The following CEACAM21 variants were observed in gnomAD, a reference collection of about 807,000 sequenced individuals.
The protein encoded by CEACAM21 is cell adhesion molecule CEACAM21.
A neutral mutation model predicts 33.2 loss-of-function variants in CEACAM21; 38 were observed. That is an observed-to-expected ratio of 1.14 (90% CI 0.88 to 1.50). The LOEUF is 1.50. CEACAM21 is among the 40% of genes most tolerant of loss of function. CEACAM21 has a pLI of 0.00. For synonymous variants in CEACAM21, 156 were observed against 143.0 expected (o/e 1.09, Z -0.65); for missense variants, 385 against 364.6 (o/e 1.06, Z -0.46).
Position 41,579,559 on chromosome 19 carries a change from G to C in CEACAM21, c.631G>C (p.Glu211Gln), listed in dbSNP as rs1207350112. The C allele has an allele frequency of 1.2e-6, 2 of 1,604,334 alleles. No homozygotes were observed. Among genetic ancestry groups the C allele is most frequent in the Non-Finnish European group, 8.5e-7 (1 of 1,175,238 alleles). ...CCCCATCAGGCAGGAGGACGCTGGG[G>C]AGTATCAGTGTGAGGTCTCCAACCC... Reference protein sequence around the residue: ...IDPIRQEDAGEYQCEVSNPVS... With the variant: ...IDPIRQEDAGQYQCEVSNPVS... The change falls in exon 3 of 7, where the codon GAG becomes CAG. Residue 211 changes from glutamate to glutamine, a missense_variant. Coordinates refer to ENST00000401445, the MANE Select transcript of CEACAM21 (RefSeq NM_001098506.4).
intron 2 of CEACAM21, among the ~76,000 whole-genome samples, chr19:41,567,720 G>T (rs1412447709): frequency 6.6e-6 from 1 of 152,162 alleles, no homozygotes; most frequent in African/African-American, 2.4e-5. Flanking sequence ...GACTGTGCTA[G>T]CTCATATCAT....
At chr19:41,562,906 T>A (rs1399123784) in intron 1 of CEACAM21, among the ~76,000 whole-genome samples, 1 of 151,948 alleles carries the variant, frequency 6.6e-6, no homozygotes, top group Non-Finnish European at 1.5e-5. Flanking sequence ...TTTTTTGTAT[T>A]TTTAGTAGAG....
At position 41,577,258 on chromosome 19, in the gene CEACAM21, G is replaced by A. The variant is rs781824433; in HGVS notation, c.123G>A (p.Ala41=). The part of the protein sequence containing the change: ...PTTAWLFIAS[A]PFEVAEGENV... ...CTGCCTGGCTCTTTATTGCATCAGC[G>A]CCCTTTGAAGTTGCTGAAGGGGAGA... is the stretch of plus-strand genomic sequence containing the variant. The change falls in exon 2 of 7, where the codon GCG becomes GCA. Residue 41 remains alanine, a synonymous_variant. Coordinates refer to ENST00000401445, the MANE Select transcript of CEACAM21 (RefSeq NM_001098506.4). 1.4e-5 allele frequency: 23 copies of A among 1,613,926 alleles called. No individual in the cohort carries two copies. The highest frequency in any genetic ancestry group is 1.8e-5 in the Non-Finnish European group (21 of 1,179,922).
exon 2 of CEACAM21, chr19:41,564,937 GATTC>G (rs2042152059): frequency 6.6e-6 from 1 of 152,376 alleles, no homozygotes; most frequent in African/African-American, 2.4e-5. Flanking sequence ...GACACAGTCG[GATTC>G]CCAAGCTGCG....
chr19:41,557,112 A>G (rs2041581057), intron 1 of CEACAM21, among the ~76,000 whole-genome samples: 1 of 152,186 alleles, frequency 6.6e-6, no homozygotes, highest in African/African-American at 2.4e-5. Context: ...AAGCTTTACC[A>G]TTTAAGAAGT....
rs1555791791 is a variant in CEACAM21 at position 41,577,546 on chromosome 19, T to C, written c.411T>C (p.His137=). The C allele has an allele frequency of 6.2e-7, 1 of 1,613,794 alleles. No homozygotes were observed. The highest frequency in any genetic ancestry group is 8.5e-7 in the Non-Finnish European group (1 of 1,179,986). The part of the protein sequence containing the change: ...RNSQIEQASH[H]LRVYESVAQP... ...CTCAGATTGAACAGGCATCTCACCA[T>C]CTCCGTGTATACGGTGAGTGATTCC... Residue 137 remains histidine (H), a synonymous_variant, in exon 2 of 7, where the codon CAT becomes CAC. Transcript: ENST00000401445.
intron 1 of CEACAM21, among the ~76,000 whole-genome samples, chr19:41,558,867 A>G (rs1384412548): frequency 6.6e-6 from 1 of 152,212 alleles, no homozygotes; most frequent in East Asian, 1.9e-4. Flanking sequence ...AAAAGACAAC[A>G]TACTGCTTTA....
upstream of CEACAM21, among the ~76,000 whole-genome samples, chr19:41,575,377 A>G (rs2042872986): frequency 6.6e-6 from 1 of 152,246 alleles, no homozygotes; most frequent in Non-Finnish European, 1.5e-5. Flanking sequence ...ATCTTTGGGA[A>G]ACAAACACTC....
upstream of CEACAM21, chr19:41,576,140 T>C (rs1482538876): frequency 2.0e-6 from 2 of 1,001,236 alleles, no homozygotes; most frequent in Non-Finnish European, 3.0e-6. Context: ...AAACGGGAAG[T>C]GCTCCTGCCT....
chr19:41,564,324 G>GTTAT (rs1302703426), intron 1 of CEACAM21, among the ~76,000 whole-genome samples: 1 of 138,858 alleles, frequency 7.2e-6, no homozygotes, highest in South Asian at 2.3e-4. Context: ...CAAGGAGTGA[G>GTTAT]TTATTTATTA....
At chr19:41,563,071 A>G (rs2042000224) in intron 1 of CEACAM21, among the ~76,000 whole-genome samples, 1 of 152,174 alleles carries the variant, frequency 6.6e-6, no homozygotes, top group African/African-American at 2.4e-5. Flanking sequence ...ATAACGAAAT[A>G]TATGGTTTTT....
At position 41,564,476 on chromosome 19, in the gene CEACAM21, G is replaced by A. The variant is rs558434506; in HGVS notation, c.-778-206G>A. Among the ~76,000 whole-genome samples, 366 of 152,144 alleles carry A rather than the reference G, an allele frequency of 2.4e-3. 1 individual carries two copies. The highest frequency in any genetic ancestry group is 8.5e-3 in the African/African-American group (354 of 41,490). On this transcript the variant is annotated intron_variant, in intron 1 of 7. Coordinates refer to the CEACAM21 transcript ENST00000407170. ...CTCAATCTCCCCACCTTACCGCCAG[G>A]GAACTTAGCCTGACGACACTCCGCC...
chr19:41,574,955 T>C (rs78552688), upstream of CEACAM21, among the ~76,000 whole-genome samples: 1 of 152,220 alleles, frequency 6.6e-6, no homozygotes, highest in East Asian at 1.9e-4. Context: ...CATTAAGAGA[T>C]GAATGAATTA....
intron 2 of CEACAM21, among the ~76,000 whole-genome samples, chr19:41,578,555 G>T (rs2043129115): frequency 6.6e-6 from 1 of 152,212 alleles, no homozygotes; most frequent in South Asian, 2.1e-4. Flanking sequence ...CCACCGTGGG[G>T]CATCTGTGGA....
intron 6 of CEACAM21, chr19:41,586,202 G>T: frequency 1.8e-6 from 1 of 563,786 alleles, no homozygotes; most frequent in East Asian, 3.2e-5. Flanking sequence ...TGAGGTGAGT[G>T]GGGGCCACAG....
At chr19:41,563,965 C>G (rs372850567) in intron 1 of CEACAM21, among the ~76,000 whole-genome samples, 1 of 152,208 alleles carries the variant, frequency 6.6e-6, no homozygotes, top group Non-Finnish European at 1.5e-5. Flanking sequence ...ACCCATTGGC[C>G]CCTCAGCCAA....
At chr19:41,574,517 TA>T (rs2042807112), upstream of CEACAM21, among the ~76,000 whole-genome samples, 1 of 152,140 alleles carries the variant, frequency 6.6e-6, no homozygotes, top group Non-Finnish European at 1.5e-5. Flanking sequence ...CCATTTTTTT[TA>T]AACAGCAAAT....
At chr19:41,579,695 A>C in intron 3 of CEACAM21, 67 bp downstream of exon 3, 1 of 1,109,764 alleles carries the variant, frequency 9.0e-7, no homozygotes, top group Non-Finnish European at 1.3e-6. Context: ...GGGGGGTGTA[A>C]AATGATACAC....
At chr19:41,562,235 A>C (rs1319279429) in intron 1 of CEACAM21, among the ~76,000 whole-genome samples, 2 of 151,900 alleles carry the variant, frequency 1.3e-5, no homozygotes, top group African/African-American at 4.8e-5. Context: ...ACAGAGCAAG[A>C]CTCCATCTCA....
Sources: allele counts gnomAD v4.1 joint callset (sites outside exome capture counted in the v4.1 genomes callset), GRCh38; gene constraint gnomAD v4.1.1; transcripts MANE v1.5; gene names NCBI Gene and HGNC (gene_info 2026-07-23, HGNC 2026-07-21).